Variants in ELAVL1 observed in about 807,000 individuals in gnomAD.
ELAVL1 encodes ELAV-like protein 1.
In ELAVL1, 1 loss-of-function variant was observed where a neutral mutation model predicts 28.4. The observed-to-expected ratio is 0.04, with a 90% CI of 0.01 to 0.17. ELAVL1 has a LOEUF of 0.17. Among genes scored for constraint, ELAVL1 ranks in the 10% least tolerant of loss-of-function variants. The pLI is 1.00. For missense variants in ELAVL1, 157 were observed against 447.2 expected, an observed-to-expected ratio of 0.35 and a Z score of 5.85; for synonymous variants, 174 against 183.5, an observed-to-expected ratio of 0.95 and a Z score of 0.42.
chr19:7,981,351 GTTCC>G lies in ELAVL1; in HGVS notation c.173-169_173-166del, dbSNP rs1260578709. On this transcript the variant is annotated intron_variant, in intron 2 of 5. Transcript: ENST00000407627. The surrounding 1 kb of genome is among the most constrained non-coding windows in gnomAD (Gnocchi z 4.2). Reference sequence around the variant, plus strand: ...CGTACATTTTCTGCAATGAACACAGGTTCCTTTTTTTTTTTTTTTTTAAAGAGAT... The same window carrying G: ...CGTACATTTTCTGCAATGAACACAGGTTTTTTTTTTTTTTTTTAAAGAGAT... Among the ~76,000 whole-genome samples, 11 of 147,032 alleles carry G rather than the reference GTTCC, an allele frequency of 7.5e-5. No homozygotes were observed. The highest frequency in any genetic ancestry group is 9.1e-5 in the Non-Finnish European group (6 of 66,204).
Position 7,959,647 on chromosome 19 carries a change from T to C in ELAVL1, c.*3836A>G, listed in dbSNP as rs1257401211. On this transcript the variant is annotated 3_prime_UTR_variant, in exon 6 of 6. Transcript: ENST00000407627. Reference sequence around the variant, plus strand: ...TCCAGCCATTAGAGGTCAGGGGAAATCAAAAAGGTTTGGAAATGTGAACCC... The same window carrying C: ...TCCAGCCATTAGAGGTCAGGGGAAACCAAAAAGGTTTGGAAATGTGAACCC... 1 of 152,042 alleles carries C rather than the reference T, an allele frequency of 6.6e-6. No individual in the cohort carries two copies. Among genetic ancestry groups the C allele is most frequent in the Non-Finnish European group, 1.5e-5 (1 of 68,010 alleles). The allele number at this position is 152,042 out of a possible 1,614,324, so 9.4% of individuals were successfully genotyped here. A position where few individuals can be genotyped will look rare whatever the true frequency, so the allele number is the denominator to read the frequency against.
chr19:7,995,525 T>G (rs1162196586), intron 1 of ELAVL1, among the ~76,000 whole-genome samples: 1 of 152,154 alleles, frequency 6.6e-6, no homozygotes, highest in Non-Finnish European at 1.5e-5. Context: ...ATAAATAAAG[T>G]TTTATTGGAA....
Position 7,979,054 on chromosome 19 carries a change from G to A in ELAVL1, c.276+2029C>T, listed in dbSNP as rs1019254247. 2.4e-4 allele frequency among the ~76,000 whole-genome samples: 37 copies of A among 152,224 alleles called. No homozygotes were observed. Among genetic ancestry groups the A allele is most frequent in the Middle Eastern group, 3.2e-3 (1 of 316 alleles). On this transcript the variant is annotated intron_variant, in intron 3 of 5. Coordinates refer to ENST00000407627, the MANE Select transcript of ELAVL1 (RefSeq NM_001419.3). The surrounding 1 kb of genome is among the most constrained non-coding windows in gnomAD (Gnocchi z 5.4). ...GCCAGGGGCTCAGTAAAGGTTTGCG[G>A]AATGAACACACTTGGAGCACAGAGG...
chr19:7,980,545 C>G (rs575927949), intron 3 of ELAVL1, among the ~76,000 whole-genome samples: 1 of 152,202 alleles, frequency 6.6e-6, no homozygotes, highest in African/African-American at 2.4e-5. Context: ...GCTGGAGGTG[C>G]TGCCCCTGGG....
At chr19:7,964,534 T>TA (rs1168753509) in intron 5 of ELAVL1, among the ~76,000 whole-genome samples, 1 of 151,928 alleles carries the variant, frequency 6.6e-6, no homozygotes, top group East Asian at 1.9e-4. Flanking sequence ...TTTATTTACA[T>TA]AAAAAATAAG....
intron 1 of ELAVL1, among the ~76,000 whole-genome samples, chr19:7,997,394 A>C (rs1173206051): frequency 6.6e-6 from 1 of 152,212 alleles, no homozygotes; most frequent in African/African-American, 2.4e-5. Flanking sequence ...ACTTGTGTGA[A>C]TCTCAAACAC....
intron 1 of ELAVL1, among the ~76,000 whole-genome samples, chr19:8,005,078 A>C (rs938987276): frequency 4.6e-5 from 7 of 152,016 alleles, no homozygotes; most frequent in African/African-American, 1.7e-4. Flanking sequence ...ACCACAAAAG[A>C]ATCTGTGGGA....
chr19:7,990,805 GGGAAGAGGA>G (rs1203916418), intron 2 of ELAVL1, among the ~76,000 whole-genome samples: 4 of 152,206 alleles, frequency 2.6e-5, no homozygotes, highest in Non-Finnish European at 4.4e-5. Context: ...GGTGGGTAGA[GGGAAGAGGA>G]GGAAGAGGGG....
chr19:7,974,923 C>T (rs1202844137), intron 3 of ELAVL1, among the ~76,000 whole-genome samples: 2 of 152,214 alleles, frequency 1.3e-5, no homozygotes, highest in Non-Finnish European at 2.9e-5. Context: ...TGCCCCTGCT[C>T]ATAGGGCAGT....
intron 2 of ELAVL1, among the ~76,000 whole-genome samples, chr19:7,986,962 C>G (rs761436386): frequency 2.6e-5 from 4 of 152,004 alleles, no homozygotes; most frequent in Non-Finnish European, 5.9e-5. Context: ...TTCTGCTTGG[C>G]TCATGCTTAA....
At chr19:7,976,089 T>A (rs1370471271) in intron 3 of ELAVL1, among the ~76,000 whole-genome samples, 3 of 149,656 alleles carry the variant, frequency 2.0e-5, no homozygotes, top group African/African-American at 4.9e-5. Flanking sequence ...TGAGGTCCTG[T>A]CTTTAAAAAA....
chr19:7,990,204 T>A (rs953175484), intron 2 of ELAVL1, among the ~76,000 whole-genome samples: 26 of 151,938 alleles, frequency 1.7e-4, no homozygotes, highest in African/African-American at 6.3e-4. Context: ...TGAATTTTAG[T>A]ATAGACAGGG....
intron 2 of ELAVL1, among the ~76,000 whole-genome samples, chr19:7,983,258 C>G (rs116155929): frequency 6.6e-6 from 1 of 152,174 alleles, no homozygotes; most frequent in Non-Finnish European, 1.5e-5. Context: ...GCACCAAGAC[C>G]GTAGGACCAG....
Position 7,960,578 on chromosome 19 carries a change from G to C in ELAVL1, c.*2905C>G, listed in dbSNP as rs1189717280. 6.6e-6 allele frequency: 1 copy of C among 152,612 alleles called. No homozygotes were observed. Among genetic ancestry groups the C allele is most frequent in the African/African-American group, 2.4e-5 (1 of 41,438 alleles). The allele number at this position is 152,612 out of a possible 1,614,324, so 9.5% of individuals were successfully genotyped here. On this transcript the variant is annotated 3_prime_UTR_variant, in exon 6 of 6. Transcript: ENST00000407627. ...ACAAGGGAGAATTCATCAGGAAGCA[G>C]GTTCACAAATTCGGAGCTGCCTGGG...
intron 3 of ELAVL1, among the ~76,000 whole-genome samples, chr19:7,974,395 G>A (rs147618172): frequency 1.3e-5 from 2 of 152,368 alleles, no homozygotes; most frequent in South Asian, 2.1e-4. Context: ...AATATTAAAC[G>A]ACTCAATGCC....
chr19:8,004,356 T>C (rs1369668384), intron 1 of ELAVL1, among the ~76,000 whole-genome samples: 1 of 152,190 alleles, frequency 6.6e-6, no homozygotes, highest in Non-Finnish European at 1.5e-5. Flanking sequence ...CCCAGGGCAT[T>C]AGAACTTTTG....
chr19:7,988,992 G>T (rs1427166085), intron 2 of ELAVL1, among the ~76,000 whole-genome samples: 1 of 152,186 alleles, frequency 6.6e-6, no homozygotes, highest in Non-Finnish European at 1.5e-5. Context: ...GAGGGTGAAG[G>T]GGGTGGTCAG....
At chr19:8,002,186 G>T in intron 1 of ELAVL1, 1 of 1,222,882 alleles carries the variant, frequency 8.2e-7, no homozygotes, top group South Asian at 1.3e-5. Context: ...ACACTGCGAT[G>T]TTCCCACCTC....
intron 2 of ELAVL1, among the ~76,000 whole-genome samples, chr19:7,986,812 T>C (rs1226632045): frequency 6.6e-6 from 1 of 152,142 alleles, no homozygotes; most frequent in East Asian, 1.9e-4. Flanking sequence ...GGGAAGTTTA[T>C]CCACAGCCTG....
Sources: gnomAD v4.1 joint callset for allele counts (sites outside exome capture counted in the v4.1 genomes callset) on GRCh38, gnomAD v4.1.1 for gene constraint, Gnocchi (gnomAD v3.1) non-coding constraint, MANE v1.5 for transcripts, NCBI Gene and HGNC (gene_info 2026-07-23, HGNC 2026-07-21) for gene names.